Variants in DPF3 observed in about 807,000 individuals in gnomAD.
The protein encoded by DPF3 is zinc finger protein DPF3.
In DPF3, 18 loss-of-function variants were observed where a neutral mutation model predicts 56.8. The ratio of observed to expected loss-of-function variants is 0.32; its 90% CI spans 0.22 to 0.47. The LOEUF (loss-of-function observed/expected upper bound fraction) is 0.47, where lower values mean the gene tolerates loss of function less well. DPF3 is among the 20% of genes least tolerant of loss of function. The pLI is 1.00. For missense variants in DPF3, 403 were observed against 488.8 expected (o/e 0.82, Z 1.65); for synonymous variants, 188 against 180.2 (o/e 1.04, Z -0.35).
intron 1 of DPF3, among the ~76,000 whole-genome samples, chr14:72,802,640 G>C (rs1892936398): frequency 6.6e-6 from 1 of 152,028 alleles, no homozygotes; most frequent in South Asian, 2.1e-4. Context: ...TTCCAGCCCT[G>C]GAAATGTTTG....
At position 72,612,047 on chromosome 14, in the gene DPF3, C is replaced by T. The variant is rs953714476; in HGVS notation, c.*7250G>A. Reference sequence around the variant, plus strand: ...AGCATTGCCTCGCACACAGTCGATGCCCTGCCAAGGGTTTTAATTTAGCCA... The same window carrying T: ...AGCATTGCCTCGCACACAGTCGATGTCCTGCCAAGGGTTTTAATTTAGCCA... On this transcript the variant is annotated 3_prime_UTR_variant, in exon 11 of 11. Transcript: ENST00000556509. 2.6e-5 allele frequency among the ~76,000 whole-genome samples: 4 copies of T among 152,156 alleles called. No homozygotes were observed. Among genetic ancestry groups the T allele is most frequent in the Non-Finnish European group, 5.9e-5 (4 of 68,032 alleles).
intron 9 of DPF3, among the ~76,000 whole-genome samples, chr14:72,620,675 C>T (rs1884376547): frequency 1.3e-5 from 2 of 152,232 alleles, no homozygotes; most frequent in African/African-American, 4.8e-5. Context: ...CCCTGCCTGC[C>T]CTTCAAGTAC....
chr14:72,797,688 A>T, intron 1 of DPF3, among the ~76,000 whole-genome samples: 1 of 152,328 alleles, frequency 6.6e-6, no homozygotes, highest in East Asian at 1.9e-4. Context: ...CCTAGCCAAC[A>T]TCCTTTTCCA....
At chr14:72,621,866 G>A (rs1235728729) in intron 9 of DPF3, among the ~76,000 whole-genome samples, 3 of 152,196 alleles carry the variant, frequency 2.0e-5, no homozygotes, top group Non-Finnish European at 4.4e-5. Flanking sequence ...AGATGATACA[G>A]CCACCCAATG....
intron 1 of DPF3, 126 bp downstream of exon 1, chr14:72,893,931 G>A (rs563377255): frequency 1.0e-5 from 11 of 1,067,746 alleles, no homozygotes; most frequent in East Asian, 2.4e-5. Context: ...TGAAAGAAGA[G>A]AGAAGCCCCG....
rs774640363 is a variant in DPF3 at position 72,616,115 on chromosome 14, C to T, written c.*3182G>A. 6.3e-4 allele frequency among the ~76,000 whole-genome samples: 96 copies of T among 152,182 alleles called. 1 individual carries two copies. In the Middle Eastern group the frequency reaches 9.5e-3, roughly 15 times the overall value. ...CGGGCCAGGATCTTTACCAATGTCACCTTGAATACCTGCAAAGACCATGCT... is the reference window on the plus strand; with the variant it reads ...CGGGCCAGGATCTTTACCAATGTCATCTTGAATACCTGCAAAGACCATGCT... On this transcript the variant is annotated 3_prime_UTR_variant, in exon 11 of 11. Coordinates refer to ENST00000556509, the MANE Select transcript of DPF3 (RefSeq NM_001280542.3).
At chr14:72,772,213 G>A (rs1051755033) in intron 1 of DPF3, among the ~76,000 whole-genome samples, 5 of 152,226 alleles carry the variant, frequency 3.3e-5, no homozygotes, top group African/African-American at 1.2e-4. Flanking sequence ...CACTCCAGAA[G>A]GGAAGTAGCT....
chr14:72,851,860 C>T (rs894949442), intron 1 of DPF3, among the ~76,000 whole-genome samples: 2 of 152,220 alleles, frequency 1.3e-5, no homozygotes, highest in Admixed American at 6.5e-5. Flanking sequence ...GAGGACAGCT[C>T]GCCCAGCCTC....
chr14:72,672,701 C>T (rs976294166), intron 8 of DPF3, among the ~76,000 whole-genome samples: 13 of 152,096 alleles, frequency 8.5e-5, no homozygotes, highest in South Asian at 2.1e-4. Flanking sequence ...CCCATGGCTT[C>T]GATTCTAGCA....
At chr14:72,885,589 C>T (rs1467602209) in intron 1 of DPF3, among the ~76,000 whole-genome samples, 2 of 151,494 alleles carry the variant, frequency 1.3e-5, no homozygotes, top group Non-Finnish European at 2.9e-5. Context: ...TTTTTTGTAG[C>T]GACAGGGTCT....
chr14:72,789,072 G>A (rs187537321), intron 1 of DPF3, among the ~76,000 whole-genome samples: 26 of 152,266 alleles, frequency 1.7e-4, no homozygotes, highest in Admixed American at 1.4e-3. Flanking sequence ...AAACCATCAC[G>A]TGTTGCTTTG....
chr14:72,732,639 CAGG>C (rs1889709746), intron 3 of DPF3, among the ~76,000 whole-genome samples: 1 of 152,108 alleles, frequency 6.6e-6, no homozygotes, highest in Non-Finnish European at 1.5e-5. Flanking sequence ...CTGAAGGTAT[CAGG>C]AGTTTGATCA....
intron 1 of DPF3, among the ~76,000 whole-genome samples, chr14:72,854,117 G>A (rs1885089035): frequency 1.3e-5 from 2 of 152,198 alleles, no homozygotes; most frequent in African/African-American, 2.4e-5. Flanking sequence ...AGCACTTTGG[G>A]AGGCCAAGAT....
intron 5 of DPF3, among the ~76,000 whole-genome samples, chr14:72,716,759 G>A (rs1369101946): frequency 1.3e-5 from 2 of 152,108 alleles, no homozygotes. Context: ...AGTCATCTCT[G>A]GTTCTTCTCC....
At chr14:72,673,324 G>A (rs997101725) in intron 8 of DPF3, among the ~76,000 whole-genome samples, 5 of 152,114 alleles carry the variant, frequency 3.3e-5, no homozygotes, top group African/African-American at 1.2e-4. Flanking sequence ...CCTCATTGCT[G>A]GAACAAAGCA....
chr14:72,613,930 C>T lies in DPF3; in HGVS notation c.*5367G>A, dbSNP rs924852762. 1.2e-4 allele frequency among the ~76,000 whole-genome samples: 19 copies of T among 152,278 alleles called. 1 individual carries two copies. Among genetic ancestry groups the T allele is most frequent in the Middle Eastern group, 3.4e-3 (1 of 294 alleles). Reference sequence around the variant, plus strand: ...GGAGGTTGTCTATCCTCCCACATCCCGGGTGCCCAGCAGGAAGCACCCCCA... The same window carrying T: ...GGAGGTTGTCTATCCTCCCACATCCTGGGTGCCCAGCAGGAAGCACCCCCA... On this transcript the variant is annotated 3_prime_UTR_variant, in exon 11 of 11. Transcript: ENST00000556509.
At chr14:72,688,591 C>T (rs970842939) in intron 7 of DPF3, among the ~76,000 whole-genome samples, 1 of 152,180 alleles carries the variant, frequency 6.6e-6, no homozygotes, top group African/African-American at 2.4e-5. Context: ...ACTGGGGCTC[C>T]CTACCAAGGC....
At chr14:72,758,975 A>G (rs974065901) in intron 2 of DPF3, among the ~76,000 whole-genome samples, 5 of 152,232 alleles carry the variant, frequency 3.3e-5, no homozygotes, top group African/African-American at 9.6e-5. Flanking sequence ...ATGACTTATA[A>G]TAAGGAGAAA....
At chr14:72,835,624 C>T (rs544704984) in intron 1 of DPF3, among the ~76,000 whole-genome samples, 6 of 152,238 alleles carry the variant, frequency 3.9e-5, no homozygotes, top group South Asian at 2.1e-4. Context: ...GCCTGCTTCC[C>T]GGGAGACCCT....
Sources: gnomAD v4.1 joint callset for allele counts (sites outside exome capture counted in the v4.1 genomes callset) on GRCh38, gnomAD v4.1.1 for gene constraint, MANE v1.5 for transcripts, NCBI Gene and HGNC (gene_info 2026-07-23, HGNC 2026-07-21) for gene names.